The following TAOK3 variants were observed in gnomAD, a reference collection of about 807,000 sequenced individuals.
TAOK3 encodes the protein serine/threonine-protein kinase TAO3.
Under a neutral mutation model 120.4 loss-of-function variants are expected in TAOK3, and 40 were observed. The observed-to-expected ratio is 0.33, with a 90% CI of 0.26 to 0.43. The LOEUF (loss-of-function observed/expected upper bound fraction) is 0.43. Among genes scored for constraint, TAOK3 ranks in the 20% least tolerant of loss-of-function variants. TAOK3 has a pLI of 1.00. For synonymous variants in TAOK3, 355 were observed against 387.5 expected, an observed-to-expected ratio of 0.92 and a Z score of 0.99; for missense variants, 821 against 1,112.1, an observed-to-expected ratio of 0.74 and a Z score of 3.72.
intron 5 of TAOK3, 74 bp downstream of exon 5, chr12:118,243,341 T>A (rs1287781421): frequency 2.1e-5 from 16 of 775,416 alleles, no homozygotes; most frequent in South Asian, 2.0e-4. Flanking sequence ...ATTTTACAGA[T>A]CAAATAGATA....
chr12:118,344,853 CCT>C (rs1190498709), intron 1 of TAOK3, among the ~76,000 whole-genome samples: 4 of 151,678 alleles, frequency 2.6e-5, no homozygotes, highest in African/African-American at 9.7e-5. Context: ...TATGGTGCCC[CCT>C]GTTATATTTA....
At chr12:118,193,338 C>T (rs1224593375) in intron 13 of TAOK3, among the ~76,000 whole-genome samples, 4 of 151,902 alleles carry the variant, frequency 2.6e-5, no homozygotes, top group Non-Finnish European at 5.9e-5. Context: ...CACGAGCCAC[C>T]GCACCCAGCC....
chr12:118,246,189 C>G (rs572215819), intron 3 of TAOK3: 10 of 1,403,260 alleles, frequency 7.1e-6, no homozygotes, highest in Non-Finnish European at 9.7e-6. Context: ...CATCCGGGGC[C>G]GGGGTCGCGG....
At chr12:118,248,382 T>C (rs541656979) in intron 3 of TAOK3, among the ~76,000 whole-genome samples, 5 of 152,224 alleles carry the variant, frequency 3.3e-5, no homozygotes, top group African/African-American at 9.6e-5. Context: ...ATGACTTTTG[T>C]TAAAAACAAA....
rs534279717 is a variant in TAOK3 at position 118,164,938 on chromosome 12, C to T, written c.1900-2911G>A. ...CTAGAGTACAGTCACTAATCATTCA[C>T]TTATTCATTCAACAAGTAGTTATTG... is the stretch of plus-strand genomic sequence containing the variant. On this transcript the variant is annotated intron_variant, in intron 17 of 20. Coordinates refer to ENST00000392533, the MANE Select transcript of TAOK3 (RefSeq NM_016281.4). Among the ~76,000 whole-genome samples the T allele has an allele frequency of 5.1e-4, 78 of 152,244 alleles. 1 individual carries two copies. Among genetic ancestry groups the T allele is most frequent in the Middle Eastern group, 6.8e-3 (2 of 294 alleles).
At chr12:118,327,398 TA>T (rs2043977758) in intron 1 of TAOK3, among the ~76,000 whole-genome samples, 1 of 152,234 alleles carries the variant, frequency 6.6e-6, no homozygotes, top group Non-Finnish European at 1.5e-5. Context: ...GCATGAAAGC[TA>T]AAGTTGAAAC....
chr12:118,267,148 A>G (rs1387806868), intron 1 of TAOK3, among the ~76,000 whole-genome samples: 1 of 152,142 alleles, frequency 6.6e-6, no homozygotes, highest in African/African-American at 2.4e-5. Context: ...ATTTGCATTG[A>G]TTACTCTACC....
intron 1 of TAOK3, among the ~76,000 whole-genome samples, chr12:118,343,550 A>C (rs2044721036): frequency 6.6e-6 from 1 of 152,180 alleles, no homozygotes; most frequent in Non-Finnish European, 1.5e-5. Context: ...AGCATTTGAT[A>C]TGTGCAGGGA....
intron 1 of TAOK3, among the ~76,000 whole-genome samples, chr12:118,354,199 T>C (rs1255628387): frequency 1.3e-5 from 2 of 152,196 alleles, no homozygotes; most frequent in Non-Finnish European, 2.9e-5. Context: ...TATATATACA[T>C]AACTACAATG....
chr12:118,226,024 G>C (rs1030043959), intron 9 of TAOK3, among the ~76,000 whole-genome samples: 1 of 152,228 alleles, frequency 6.6e-6, no homozygotes, highest in African/African-American at 2.4e-5. Flanking sequence ...TGGATCATTT[G>C]AGATCAGGAG....
At chr12:118,210,553 CAA>C (rs2038568480) in intron 11 of TAOK3, among the ~76,000 whole-genome samples, 3 of 152,020 alleles carry the variant, frequency 2.0e-5, no homozygotes, top group South Asian at 4.2e-4. Flanking sequence ...ATTTACTGAT[CAA>C]TGAAGATCAG....
intron 1 of TAOK3, among the ~76,000 whole-genome samples, chr12:118,272,800 C>T (rs1294559120): frequency 6.6e-6 from 1 of 151,852 alleles, no homozygotes; most frequent in Non-Finnish European, 1.5e-5. Context: ...GTGAGACCCC[C>T]GTCTCTATGA....
chr12:118,202,914 G>A (rs770328051), intron 11 of TAOK3, among the ~76,000 whole-genome samples: 1 of 151,484 alleles, frequency 6.6e-6, no homozygotes, highest in Non-Finnish European at 1.5e-5. Flanking sequence ...CGAGTAGCTG[G>A]AATTACAGGC....
intron 3 of TAOK3, among the ~76,000 whole-genome samples, chr12:118,245,194 C>T (rs577616736): frequency 2.0e-5 from 3 of 152,094 alleles, no homozygotes; most frequent in Non-Finnish European, 2.9e-5. Flanking sequence ...CACCATGCCA[C>T]GCTAATGTTT....
At chr12:118,322,273 C>T (rs2043739913) in intron 1 of TAOK3, among the ~76,000 whole-genome samples, 2 of 147,152 alleles carry the variant, frequency 1.4e-5, no homozygotes, top group Non-Finnish European at 3.0e-5. Flanking sequence ...TGAGATCGCG[C>T]CACTACACTC....
At chr12:118,182,597 GTGTATATATA>G (rs1239564820) in intron 14 of TAOK3, among the ~76,000 whole-genome samples, 8 of 77,510 alleles carry the variant, frequency 1.0e-4, no homozygotes, top group African/African-American at 3.7e-4. Context: ...GTGTGTGTGT[GTGTATATATA>G]TATATATATA....
intron 1 of TAOK3, among the ~76,000 whole-genome samples, chr12:118,368,722 C>G (rs1041811896): frequency 3.3e-5 from 5 of 150,338 alleles, no homozygotes; most frequent in African/African-American, 1.2e-4. Flanking sequence ...AGGAGAATCG[C>G]TGGAACCAGG....
rs560725743 is a variant in TAOK3, at chr12:118,197,773, C to T, written c.1194+1278G>A. 3.4e-4 allele frequency among the ~76,000 whole-genome samples: 51 copies of T among 150,112 alleles called. No individual in the cohort carries two copies. The South Asian group carries it at 8.2e-3, about 24-fold the overall frequency. Reference sequence around the variant, plus strand: ...CGCAATCCTGGCTCACTGCAAGCTCCGCCTCCCAGGTTCACGCCATTCTCC... The same window carrying T: ...CGCAATCCTGGCTCACTGCAAGCTCTGCCTCCCAGGTTCACGCCATTCTCC... On this transcript the variant is annotated intron_variant, in intron 13 of 20. Coordinates refer to ENST00000392533, the MANE Select transcript of TAOK3 (RefSeq NM_016281.4).
intron 11 of TAOK3, among the ~76,000 whole-genome samples, chr12:118,208,302 G>C (rs2038440056): frequency 6.6e-6 from 1 of 152,090 alleles, no homozygotes; most frequent in Non-Finnish European, 1.5e-5. Flanking sequence ...GGAGTAAGTA[G>C]ATAGCTTAGC....
Sources: gnomAD v4.1 joint callset for allele counts (sites outside exome capture counted in the v4.1 genomes callset) on GRCh38, gnomAD v4.1.1 for gene constraint, MANE v1.5 for transcripts, NCBI Gene and HGNC (gene_info 2026-07-23, HGNC 2026-07-21) for gene names.